The following GRIN2A variants were observed in gnomAD, a reference collection of about 807,000 sequenced individuals.
The protein encoded by GRIN2A is glutamate receptor ionotropic, NMDA 2A.
Under a neutral mutation model 113.4 loss-of-function variants are expected in GRIN2A, and 22 were observed. That is an observed-to-expected ratio of 0.19 (90% CI 0.14 to 0.28). The LOEUF (loss-of-function observed/expected upper bound fraction) is 0.28. Among genes scored for constraint, GRIN2A ranks in the 10% least tolerant of loss-of-function variants. GRIN2A has a pLI of 1.00. For missense variants in GRIN2A, 1,502 were observed against 1,887.0 expected (o/e 0.80, Z 3.78); for synonymous variants, 827 against 738.4 (o/e 1.12, Z -1.94).
chr16:9,994,693 G>C (rs1279710058), intron 2 of GRIN2A, among the ~76,000 whole-genome samples: 4 of 152,164 alleles, frequency 2.6e-5, no homozygotes, highest in Admixed American at 6.5e-5. Flanking sequence ...ATAGCATTGG[G>C]AGCTTCTGAA....
intron 9 of GRIN2A, among the ~76,000 whole-genome samples, chr16:9,829,108 T>G (rs549391138): frequency 1.3e-4 from 20 of 152,290 alleles, no homozygotes; most frequent in African/African-American, 4.8e-4. Flanking sequence ...AAGGATGAAT[T>G]TCAACCTAAG....
chr16:9,813,570 T>C (rs891281501), intron 10 of GRIN2A, among the ~76,000 whole-genome samples: 2 of 151,110 alleles, frequency 1.3e-5, no homozygotes, highest in Admixed American at 1.3e-4. Context: ...TCTCACTTTA[T>C]TTAACTCCTG....
At chr16:9,999,384 C>T (rs1252721923) in intron 2 of GRIN2A, among the ~76,000 whole-genome samples, 1 of 152,194 alleles carries the variant, frequency 6.6e-6, no homozygotes, top group African/African-American at 2.4e-5. Context: ...AAATGTGGCA[C>T]ATATACACTA....
intron 2 of GRIN2A, among the ~76,000 whole-genome samples, chr16:10,050,002 A>C (rs1405022360): frequency 6.6e-6 from 1 of 152,218 alleles, no homozygotes; most frequent in African/African-American, 2.4e-5. Flanking sequence ...GGAAGAATAA[A>C]GGTCTCCCAA....
At chr16:9,962,157 C>G (rs551533658) in intron 2 of GRIN2A, among the ~76,000 whole-genome samples, 1 of 152,126 alleles carries the variant, frequency 6.6e-6, no homozygotes, top group Non-Finnish European at 1.5e-5. Context: ...ACGATAAAAA[C>G]CCTAGAAGAA....
intron 2 of GRIN2A, among the ~76,000 whole-genome samples, chr16:10,040,042 T>TA (rs2047127759): frequency 1.3e-3 from 1 of 768 alleles, no homozygotes; most frequent in Admixed American, 0.017. Context: ...ACTACACACA[T>TA]CCACACACCA....
At chr16:9,863,766 T>A (rs2043113031) in intron 4 of GRIN2A, among the ~76,000 whole-genome samples, 1 of 152,238 alleles carries the variant, frequency 6.6e-6, no homozygotes, top group South Asian at 2.1e-4. Flanking sequence ...TCATTCTGTA[T>A]CATGTTATAT....
In GRIN2A at chr16:10,151,176, C is replaced by A. The variant is rs7196212; in HGVS notation, c.414+28822G>T. Among the ~76,000 whole-genome samples, 1,419 of 152,304 alleles carry A rather than the reference C, an allele frequency of 9.3e-3. 31 individuals carry two copies. The highest frequency in any genetic ancestry group is 0.033 in the African/African-American group (1,356 of 41,566). On this transcript the variant is annotated intron_variant, in intron 2 of 12. Transcript: ENST00000330684. ...AGTCTATTAAATGCACTTGCTTGAT[C>A]GAGAGCTGAGATGCAACATGCAAGC...
chr16:10,170,494 C>T (rs763046931), intron 2 of GRIN2A, among the ~76,000 whole-genome samples: 2 of 152,208 alleles, frequency 1.3e-5, no homozygotes, highest in African/African-American at 2.4e-5. Context: ...TAAGTAATCT[C>T]ATCACACAAT....
intron 2 of GRIN2A, among the ~76,000 whole-genome samples, chr16:9,978,741 C>T (rs1279751490): frequency 6.6e-6 from 1 of 152,168 alleles, no homozygotes; most frequent in Non-Finnish European, 1.5e-5. Context: ...ATTGGCATCC[C>T]TTGGAAGATG....
chr16:10,152,947 T>C (rs917270122), intron 2 of GRIN2A, among the ~76,000 whole-genome samples: 1 of 152,066 alleles, frequency 6.6e-6, no homozygotes, highest in African/African-American at 2.4e-5. Flanking sequence ...TAGGGAAGAA[T>C]AAATAGGTAG....
intron 5 of GRIN2A, among the ~76,000 whole-genome samples, chr16:9,847,424 A>G (rs1178196153): frequency 6.6e-6 from 1 of 151,894 alleles, no homozygotes; most frequent in Non-Finnish European, 1.5e-5. Context: ...CATGAGCCAG[A>G]CATGGTGGCA....
chr16:10,105,087 T>C (rs1205568755), intron 2 of GRIN2A, among the ~76,000 whole-genome samples: 2 of 152,170 alleles, frequency 1.3e-5, no homozygotes, highest in African/African-American at 4.8e-5. Context: ...GCCGAACTGG[T>C]AGCTGGGGTC....
At chr16:10,114,619 C>T (rs2048692813) in intron 2 of GRIN2A, among the ~76,000 whole-genome samples, 1 of 152,288 alleles carries the variant, frequency 6.6e-6, no homozygotes, top group South Asian at 2.1e-4. Flanking sequence ...AAGAACACTG[C>T]CCACTCAACC....
At chr16:9,982,665 C>G (rs753595593) in intron 2 of GRIN2A, among the ~76,000 whole-genome samples, 1 of 152,192 alleles carries the variant, frequency 6.6e-6, no homozygotes, top group Non-Finnish European at 1.5e-5. Flanking sequence ...TATTTCAATG[C>G]CCTGCAATTA....
At chr16:9,779,794 C>G (rs1473820153) in intron 11 of GRIN2A, among the ~76,000 whole-genome samples, 1 of 152,166 alleles carries the variant, frequency 6.6e-6, no homozygotes, top group African/African-American at 2.4e-5. Flanking sequence ...CCTCCTCTCC[C>G]TTTTCCCAAG....
At chr16:10,046,911 A>T (rs922115395) in intron 2 of GRIN2A, among the ~76,000 whole-genome samples, 7 of 152,222 alleles carry the variant, frequency 4.6e-5, no homozygotes, top group Non-Finnish European at 8.8e-5. Context: ...TGCTGTGTAT[A>T]TCAGTTGCTC....
chr16:9,859,375 C>A (rs2043022464), intron 4 of GRIN2A, among the ~76,000 whole-genome samples: 1 of 152,028 alleles, frequency 6.6e-6, no homozygotes, highest in East Asian at 1.9e-4. Context: ...ACATAAGTGT[C>A]CAGTGAATGT....
At chr16:9,975,070 A>G (rs2045748624) in intron 2 of GRIN2A, among the ~76,000 whole-genome samples, 1 of 152,380 alleles carries the variant, frequency 6.6e-6, no homozygotes, top group South Asian at 2.1e-4. Flanking sequence ...TAGGAATTAA[A>G]GTATTAAAAT....
Sources: allele counts gnomAD v4.1 joint callset (sites outside exome capture counted in the v4.1 genomes callset), GRCh38; gene constraint gnomAD v4.1.1; transcripts MANE v1.5; gene names NCBI Gene and HGNC (gene_info 2026-07-23, HGNC 2026-07-21).